ATF6: variants seen among roughly 807,000 people sequenced by gnomAD.
ATF6 encodes activating transcription factor 6, also known as cyclic AMP-dependent transcription factor ATF-6 alpha.
Under a neutral mutation model 83.6 loss-of-function variants are expected in ATF6, and 53 were observed. The ratio of observed to expected loss-of-function variants is 0.63; its 90% CI spans 0.51 to 0.80. The LOEUF (loss-of-function observed/expected upper bound fraction) is 0.80, where lower values mean the gene tolerates loss of function less well. Among genes scored for constraint, ATF6 ranks in the 30% least tolerant of loss-of-function variants. ATF6 has a pLI of 0.00. For synonymous variants in ATF6, 288 were observed against 285.8 expected, an observed-to-expected ratio of 1.01 and a Z score of -0.08; for missense variants, 744 against 797.9, an observed-to-expected ratio of 0.93 and a Z score of 0.81.
At chr1:161,812,543 C>T (rs1366142181) in intron 7 of ATF6, among the ~76,000 whole-genome samples, 2 of 151,132 alleles carry the variant, frequency 1.3e-5, no homozygotes, top group African/African-American at 4.9e-5. Context: ...CAGGCGCCCG[C>T]CACTACGCCC....
intron 4 of ATF6, among the ~76,000 whole-genome samples, chr1:161,784,814 C>G (rs1684710393): frequency 2.0e-5 from 3 of 152,178 alleles, no homozygotes; most frequent in African/African-American, 7.2e-5. Flanking sequence ...CTGCCCCTGC[C>G]AGGCCATCAC....
intron 6 of ATF6, among the ~76,000 whole-genome samples, chr1:161,800,924 T>C (rs1349749332): frequency 6.6e-6 from 1 of 152,236 alleles, no homozygotes; most frequent in East Asian, 1.9e-4. Context: ...TATGCTGCTT[T>C]AGTCCTTCAC....
intron 6 of ATF6, 144 bp downstream of exon 6, chr1:161,792,471 A>G: frequency 1.3e-6 from 1 of 763,722 alleles, no homozygotes; most frequent in Admixed American, 2.5e-5. Flanking sequence ...CGTTGCAGAG[A>G]TGACTAATGT....
In ATF6 at chr1:161,835,081, A is replaced by AT. The variant is rs1571174420; in HGVS notation, c.1188-11363dup. 2.0e-5 allele frequency among the ~76,000 whole-genome samples: 3 copies of AT among 152,206 alleles called. No individual in the cohort carries two copies. The East Asian group carries it at 5.8e-4, about 29-fold the overall frequency. ...GTCTTTAATTTTATTTTTTATTTTT[A>AT]TTTTTAGAGACAGGATCTTGCTTTG... On this transcript the variant is annotated intron_variant, in intron 9 of 15. Transcript: ENST00000367942.
Position 161,819,819 on chromosome 1 carries a change from G to T in ATF6, c.1095+1G>T, listed in dbSNP as rs753238584. The T allele has an allele frequency of 6.2e-7, 1 of 1,605,052 alleles. No homozygotes were observed. Among genetic ancestry groups the T allele is most frequent in the East Asian group, 2.3e-5 (1 of 44,362 alleles). Reference sequence around the variant, plus strand: ...GCAGCTGGATGAAGTTGTGTCAGAGGTAAGTGTTAGTAATACGGCTGAGTC... The same window carrying T: ...GCAGCTGGATGAAGTTGTGTCAGAGTTAAGTGTTAGTAATACGGCTGAGTC... On this transcript the variant is annotated splice_donor_variant, in intron 8 of 15. Transcript: ENST00000367942. LOFTEE classifies it high-confidence loss of function.
chr1:161,798,549 G>A (rs1429858020), intron 6 of ATF6, among the ~76,000 whole-genome samples: 1 of 152,092 alleles, frequency 6.6e-6, no homozygotes, highest in Non-Finnish European at 1.5e-5. Flanking sequence ...GAGGCGGCAG[G>A]TGCAGTGAGC....
chr1:161,860,737 AT>A (rs201969004), intron 13 of ATF6, among the ~76,000 whole-genome samples: 1 of 151,742 alleles, frequency 6.6e-6, no homozygotes, highest in African/African-American at 2.4e-5. Flanking sequence ...CAAATCATTT[AT>A]TTTTTTTGTA....
intron 15 of ATF6, among the ~76,000 whole-genome samples, chr1:161,945,731 A>G (rs1688734327): frequency 6.6e-6 from 1 of 152,148 alleles, no homozygotes; most frequent in South Asian, 2.1e-4. Flanking sequence ...TTTTTCTTCC[A>G]TATGTATTTT....
rs780285923 is a variant in ATF6 at position 161,853,288 on chromosome 1, A to C, written c.1498A>C (p.Met500Leu). The C allele has an allele frequency of 6.2e-7, 1 of 1,613,860 alleles. No homozygotes were observed. Among genetic ancestry groups the C allele is most frequent in the Non-Finnish European group, 8.5e-7 (1 of 1,179,738 alleles). Reference sequence around the variant, plus strand: ...AGTAGAAAGGACCAAGTCAAGAAGAATGACAAATAATCAACAGAAAACCCG... The same window carrying C: ...AGTAGAAAGGACCAAGTCAAGAAGACTGACAAATAATCAACAGAAAACCCG... ...HEVERTKSRR[M>L]TNNQQKTRIL... The change falls in exon 12 of 16, where the codon ATG (methionine) becomes CTG (leucine). Residue 500 changes from methionine to leucine, a missense_variant. Coordinates refer to ENST00000367942, the MANE Select transcript of ATF6 (RefSeq NM_007348.4).
intron 14 of ATF6, among the ~76,000 whole-genome samples, chr1:161,864,880 A>C (rs1686958346): frequency 2.6e-5 from 4 of 152,220 alleles, no homozygotes; most frequent in Non-Finnish European, 1.5e-5. Context: ...AGGAGAAAAA[A>C]AGTAAACTTT....
At chr1:161,862,955 A>G (rs891781118) in intron 13 of ATF6, among the ~76,000 whole-genome samples, 2 of 152,132 alleles carry the variant, frequency 1.3e-5, no homozygotes, top group African/African-American at 2.4e-5. Context: ...GTACTTGACC[A>G]TCTAGTACAT....
intron 15 of ATF6, among the ~76,000 whole-genome samples, chr1:161,922,785 C>T (rs1571239505): frequency 6.6e-6 from 1 of 151,728 alleles, no homozygotes; most frequent in African/African-American, 2.4e-5. Flanking sequence ...TAGAGTAGGA[C>T]CCAGTAGGGA....
chr1:161,872,200 GA>G (rs1687137068), intron 14 of ATF6, among the ~76,000 whole-genome samples: 1 of 151,508 alleles, frequency 6.6e-6, no homozygotes, highest in African/African-American at 2.4e-5. Context: ...AAAGAAGGAA[GA>G]AAAAGTCCGC....
In ATF6 at chr1:161,784,011, C is replaced by G; in HGVS notation, c.269C>G (p.Pro90Arg). The G allele has an allele frequency of 6.2e-7, 1 of 1,613,016 alleles. No homozygotes were observed. The highest frequency in any genetic ancestry group is 1.3e-5 in the African/African-American group (1 of 75,000). The change falls in exon 4 of 16, where the codon CCT becomes CGT. Residue 90 changes from proline to arginine, a missense_variant. By Grantham distance (103) the Pro-to-Arg change is moderately radical (BLOSUM62 -2). Coordinates refer to ENST00000367942, the MANE Select transcript of ATF6 (RefSeq NM_007348.4). ...CCAGTTAAAGATATTAAGGCAGAAC[C>G]TCAGCCACTTTCTCCAGCCTCCTCA... Reference protein sequence around the residue: ...ICTVKDIKAEPQPLSPASSSY... With the variant: ...ICTVKDIKAERQPLSPASSSY...
At chr1:161,814,078 G>T (rs1436727158) in intron 7 of ATF6, among the ~76,000 whole-genome samples, 1 of 151,936 alleles carries the variant, frequency 6.6e-6, no homozygotes, top group Non-Finnish European at 1.5e-5. Context: ...GTAGAGATGG[G>T]TTTTTTCCAT....
At chr1:161,928,942 G>C (rs1688377598) in intron 15 of ATF6, among the ~76,000 whole-genome samples, 1 of 152,152 alleles carries the variant, frequency 6.6e-6, no homozygotes, top group Admixed American at 6.5e-5. Flanking sequence ...TTCTAGCAAT[G>C]TACCATTCTG....
intron 9 of ATF6, among the ~76,000 whole-genome samples, chr1:161,828,666 A>T (rs1016525672): frequency 6.6e-6 from 1 of 152,200 alleles, no homozygotes; most frequent in Non-Finnish European, 1.5e-5. Flanking sequence ...GTGGAAACAA[A>T]TGAAAAGTCT....
chr1:161,833,455 C>T (rs574592763), intron 9 of ATF6, among the ~76,000 whole-genome samples: 2 of 152,120 alleles, frequency 1.3e-5, no homozygotes, highest in East Asian at 3.9e-4. Flanking sequence ...TCAAACTACT[C>T]CGAGCTAAAG....
chr1:161,831,870 A>G (rs934605824), intron 9 of ATF6, among the ~76,000 whole-genome samples: 2 of 151,944 alleles, frequency 1.3e-5, no homozygotes, highest in Non-Finnish European at 2.9e-5. Flanking sequence ...GGTGCAGCAC[A>G]CCAATGTGGC....
Sources: allele counts gnomAD v4.1 joint callset (sites outside exome capture counted in the v4.1 genomes callset), GRCh38; gene constraint gnomAD v4.1.1; transcripts MANE v1.5; gene names NCBI Gene and HGNC (gene_info 2026-07-23, HGNC 2026-07-21).